Variants in MTBP observed in about 807,000 individuals in gnomAD.
MTBP encodes MDM2 binding protein.
A neutral mutation model predicts 117.0 loss-of-function variants in MTBP; 101 were observed. The ratio of observed to expected loss-of-function variants is 0.86; its 90% CI spans 0.73 to 1.02. MTBP has a LOEUF of 1.02. Among genes scored for constraint, MTBP ranks in the 50% least tolerant of loss-of-function variants. The pLI is 0.00. For synonymous variants in MTBP, 350 were observed against 351.5 expected (o/e 1.00, Z 0.05); for missense variants, 970 against 1,030.9 (o/e 0.94, Z 0.81).
chr8:120,522,509 A>ATTT, intron 20 of MTBP, 145 bp from the exon 21 acceptor site: 1 of 557,550 alleles, frequency 1.8e-6, no homozygotes. Flanking sequence ...TAGTACTTAG[A>ATTT]TTTTTTTTGT....
chr8:120,471,112 G>C (rs974315886), intron 11 of MTBP, 175 bp downstream of exon 11: 2 of 532,164 alleles, frequency 3.8e-6, no homozygotes, highest in Non-Finnish European at 6.6e-6. Context: ...GTAACATAAA[G>C]TATCTCTAAC....
chr8:120,447,879 G>A (rs1009192036), intron 2 of MTBP, among the ~76,000 whole-genome samples: 24 of 123,328 alleles, frequency 1.9e-4, no homozygotes, highest in Middle Eastern at 4.4e-3. Flanking sequence ...TTTTATTGGC[G>A]AATTATCATA....
chr8:120,505,444 G>A lies in MTBP; in HGVS notation c.1728-1262G>A, dbSNP rs187528525. ...CCCACCCTGCTGGAGTATGAAGTCC[G>A]GAGAGAATTTGAGTGTTTTGTTGAC... On this transcript the variant is annotated intron_variant, in intron 15 of 21. Coordinates refer to ENST00000305949, the MANE Select transcript of MTBP (RefSeq NM_022045.5). Among the ~76,000 whole-genome samples, 9 of 152,158 alleles carry A rather than the reference G, an allele frequency of 5.9e-5. No individual in the cohort carries two copies. In the East Asian group the frequency reaches 1.5e-3, roughly 26 times the overall value.
intron 10 of MTBP, among the ~76,000 whole-genome samples, chr8:120,464,569 C>A (rs1310278210): frequency 5.3e-5 from 8 of 151,864 alleles, no homozygotes; most frequent in Non-Finnish European, 1.5e-5. Context: ...AAAATCAAGT[C>A]TTGGTTATAA....
chr8:120,468,501 A>C (rs944734559), intron 10 of MTBP, among the ~76,000 whole-genome samples: 1 of 152,208 alleles, frequency 6.6e-6, no homozygotes, highest in Non-Finnish European at 1.5e-5. Context: ...CTGTGGAAGC[A>C]TTTTCCCTGC....
At chr8:120,511,792 C>T (rs755323604) in intron 17 of MTBP, among the ~76,000 whole-genome samples, 4 of 151,972 alleles carry the variant, frequency 2.6e-5, no homozygotes, top group African/African-American at 7.3e-5. Context: ...TACCTAACTG[C>T]ATCCCAGTTT....
chr8:120,466,323 C>T (rs556728233), intron 10 of MTBP, among the ~76,000 whole-genome samples: 16 of 150,638 alleles, frequency 1.1e-4, no homozygotes, highest in South Asian at 8.4e-4. Flanking sequence ...GCAATTCTCC[C>T]GGCTCAGCCA....
At chr8:120,449,038 G>A (rs1813283097) in intron 2 of MTBP, among the ~76,000 whole-genome samples, 1 of 152,110 alleles carries the variant, frequency 6.6e-6, no homozygotes. Flanking sequence ...TGCTTTTGAG[G>A]TATTCTCCCT....
intron 19 of MTBP, 30 bp from the exon 20 acceptor site, chr8:120,518,674 A>G: frequency 6.9e-7 from 1 of 1,447,234 alleles, no homozygotes; most frequent in Non-Finnish European, 9.5e-7. Flanking sequence ...TTTCCAAGAA[A>G]TATTCGTCAT....
chr8:120,465,150 GT>G (rs1240926696), intron 10 of MTBP, among the ~76,000 whole-genome samples: 1 of 152,114 alleles, frequency 6.6e-6, no homozygotes, highest in Non-Finnish European at 1.5e-5. Context: ...AGGTAGCCAA[GT>G]AGCTCTCTGT....
chr8:120,500,072 A>G (rs1256224076), intron 14 of MTBP, among the ~76,000 whole-genome samples: 1 of 152,196 alleles, frequency 6.6e-6, no homozygotes, highest in Non-Finnish European at 1.5e-5. Context: ...CATTAACCAC[A>G]TAATGTCATC....
At position 120,465,649 on chromosome 8, in the gene MTBP, T is replaced by C. The variant is rs573087134; in HGVS notation, c.1047+1888T>C. Among the ~76,000 whole-genome samples the C allele has an allele frequency of 3.0e-3, 430 of 141,454 alleles. 2 individuals carry two copies. The highest frequency in any genetic ancestry group is 0.01 in the African/African-American group (411 of 39,674). 92.8% of individuals were successfully genotyped at this position (141,454 alleles called of 152,430 possible). ...TACAGAGAAATTTGTAGAAATCTTA[T>C]AGAGACTTTTTTTTTTTTTTTTTTT... On this transcript the variant is annotated intron_variant, in intron 10 of 21. Transcript: ENST00000305949.
chr8:120,455,609 G>A (rs781134812), intron 6 of MTBP, 30 bp downstream of exon 6: 9 of 1,587,860 alleles, frequency 5.7e-6, no homozygotes, highest in Non-Finnish European at 6.0e-6. Flanking sequence ...TTTGATTATT[G>A]TCTGCCTTGT....
rs7832491 is a variant in MTBP at position 120,470,779 on chromosome 8, C to T, written c.1048-41C>T. On this transcript the variant is annotated intron_variant, in intron 10 of 21. Coordinates refer to ENST00000305949, the MANE Select transcript of MTBP (RefSeq NM_022045.5). ...CAACTGGCACTATTCAAGAATGAAT[C>T]TCAATGTGCAATCAATAAAAATATG... is the stretch of plus-strand genomic sequence containing the variant. 1.7e-3 allele frequency: 2,402 copies of T among 1,386,780 alleles called. 46 individuals are homozygous for T. In the African/African-American group the frequency reaches 0.031, roughly 18 times the overall value. The allele number at this position is 1,386,780 out of a possible 1,614,324, so 85.9% of individuals were successfully genotyped here. A position where few individuals can be genotyped will look rare whatever the true frequency, so the allele number is the denominator to read the frequency against.
At chr8:120,505,167 T>G (rs1814664769) in intron 15 of MTBP, among the ~76,000 whole-genome samples, 1 of 152,122 alleles carries the variant, frequency 6.6e-6, no homozygotes, top group African/African-American at 2.4e-5. Flanking sequence ...CTATAGGTAG[T>G]TGGCATGTAT....
chr8:120,501,190 CAAAAAAAAAAA>C (rs59706254), intron 14 of MTBP, among the ~76,000 whole-genome samples: 1 of 45,952 alleles, frequency 2.2e-5, no homozygotes, highest in South Asian at 9.4e-4. Flanking sequence ...AACTCCATCT[CAAAAAAAAAAA>C]AAAAAAAAAA....
At chr8:120,494,840 A>G (rs1405589358) in intron 13 of MTBP, among the ~76,000 whole-genome samples, 1 of 152,172 alleles carries the variant, frequency 6.6e-6, no homozygotes, top group East Asian at 1.9e-4. Context: ...TCTTCTGTAT[A>G]GACAGAACAT....
chr8:120,483,328 T>G (rs1376415815), intron 11 of MTBP, among the ~76,000 whole-genome samples: 1 of 152,140 alleles, frequency 6.6e-6, no homozygotes, highest in Non-Finnish European at 1.5e-5. Context: ...TAGATTTTGC[T>G]TTATTATTTC....
intron 17 of MTBP, 54 bp from the exon 18 acceptor site, chr8:120,515,871 A>G (rs1814906731): frequency 6.7e-7 from 1 of 1,488,710 alleles, no homozygotes; most frequent in Non-Finnish European, 9.2e-7. Flanking sequence ...TGAAAGGGGA[A>G]AGTCTGTTGC....
Sources: gnomAD v4.1 joint callset for allele counts (sites outside exome capture counted in the v4.1 genomes callset) on GRCh38, gnomAD v4.1.1 for gene constraint, MANE v1.5 for transcripts, NCBI Gene and HGNC (gene_info 2026-07-23, HGNC 2026-07-21) for gene names.